Variants in ABCA13 observed in about 807,000 individuals in gnomAD.
ABCA13 encodes ATP-binding cassette sub-family A member 13.
Under a neutral mutation model 478.7 loss-of-function variants are expected in ABCA13, and 476 were observed. The observed-to-expected ratio is 0.99, with a 90% CI of 0.92 to 1.07. ABCA13 has a LOEUF of 1.07. ABCA13 is among the 50% of genes least tolerant of loss of function. The probability of loss-of-function intolerance (pLI) is 0.00; values close to 1 mark genes in which losing one functional copy is unlikely to be tolerated. For synonymous variants in ABCA13, 2,252 were observed against 2,158.9 expected, an observed-to-expected ratio of 1.04 and a Z score of -1.20; for missense variants, 6,060 against 5,910.6, an observed-to-expected ratio of 1.03 and a Z score of -0.83.
chr7:48,217,709 A>G lies in ABCA13; in HGVS notation c.288-1645A>G, dbSNP rs539896405. On this transcript the variant is annotated intron_variant, in intron 3 of 61. Coordinates refer to ENST00000435803, the MANE Select transcript of ABCA13 (RefSeq NM_152701.5). ...CAACCTCAAGTGGGTCCTTCACAGA[A>G]TTGCAAGGATGTCTCTAGGTGCAGC... Among the ~76,000 whole-genome samples, 16 of 152,264 alleles carry G rather than the reference A, an allele frequency of 1.1e-4. No homozygotes were observed. In the South Asian group the frequency reaches 3.3e-3, roughly 32 times the overall value.
At position 48,172,797 on chromosome 7, in the gene ABCA13, C is replaced by CAAAAA. The variant is rs36196847; in HGVS notation, c.69+1279_69+1283dup. ...TGGGCGACAGAGCGAGACTCCGTCT[C>CAAAAA]AAAAAAAAAAAAAAAAAAAAAAAAA... On this transcript the variant is annotated intron_variant, in intron 1 of 61. Coordinates refer to ENST00000435803, the MANE Select transcript of ABCA13 (RefSeq NM_152701.5). Among the ~76,000 whole-genome samples the CAAAAA allele has an allele frequency of 3.3e-4, 25 of 75,542 alleles. 2 individuals are homozygous for CAAAAA. Among genetic ancestry groups the CAAAAA allele is most frequent in the African/African-American group, 1.3e-3 (24 of 18,616 alleles). The allele number at this position is 75,542 out of a possible 152,430, so 49.6% of individuals were successfully genotyped here. A position where few individuals can be genotyped will look rare whatever the true frequency, so the allele number is the denominator to read the frequency against.
At chr7:48,390,201 G>C (rs550983709) in intron 37 of ABCA13, among the ~76,000 whole-genome samples, 2 of 152,314 alleles carry the variant, frequency 1.3e-5, no homozygotes, top group Non-Finnish European at 2.9e-5. Context: ...TTGTTTAGCA[G>C]AATGATGAGA....
At chr7:48,443,691 A>G (rs541832330) in intron 42 of ABCA13, among the ~76,000 whole-genome samples, 1 of 151,986 alleles carries the variant, frequency 6.6e-6, no homozygotes, top group East Asian at 2.0e-4. Context: ...AAATTTAACC[A>G]TGTTTCCCTG....
chr7:48,396,118 A>G (rs1463630093), intron 38 of ABCA13, among the ~76,000 whole-genome samples: 2 of 152,106 alleles, frequency 1.3e-5, no homozygotes, highest in Non-Finnish European at 2.9e-5. Flanking sequence ...GGTTTTCCTT[A>G]TTTATTACCC....
intron 1 of ABCA13, among the ~76,000 whole-genome samples, chr7:48,175,297 A>G (rs1160306523): frequency 6.6e-6 from 1 of 152,218 alleles, no homozygotes; most frequent in Admixed American, 6.5e-5. Context: ...GTGATGTTTC[A>G]ATACAAATAA....
In ABCA13 at chr7:48,219,521, A is replaced by G. The variant is rs935205699; in HGVS notation, c.439+16A>G. 3.8e-6 allele frequency: 6 copies of G among 1,596,982 alleles called. No homozygotes were observed. The highest frequency in any genetic ancestry group is 5.1e-6 in the Non-Finnish European group (6 of 1,173,340). ...AACACTCCAGGCAAGTAAACCTCTC[A>G]TAACTGTGACACTACCTACCTGGAC... On this transcript the variant is annotated intron_variant, in intron 4 of 61. Coordinates refer to ENST00000435803, the MANE Select transcript of ABCA13 (RefSeq NM_152701.5).
intron 7 of ABCA13, among the ~76,000 whole-genome samples, chr7:48,230,637 G>A (rs1226650287): frequency 6.6e-6 from 1 of 150,838 alleles, no homozygotes; most frequent in Non-Finnish European, 1.5e-5. Context: ...CCATCCATCT[G>A]CCTACCCATT....
intron 5 of ABCA13, among the ~76,000 whole-genome samples, chr7:48,224,130 T>G (rs939318633): frequency 1.3e-5 from 2 of 152,140 alleles, no homozygotes; most frequent in African/African-American, 4.8e-5. Context: ...GCTCTCTAAT[T>G]TCTCCCCAGC....
Position 48,381,906 on chromosome 7 carries a change from A to G in ABCA13, c.11335+5334A>G, listed in dbSNP as rs569203494. On this transcript the variant is annotated intron_variant, in intron 35 of 61. Coordinates refer to ENST00000435803, the MANE Select transcript of ABCA13 (RefSeq NM_152701.5). ...AAACAAATTTGAATTTATAAGCAAA[A>G]GCCGATTGCAGAGGCAAGCCAAAGA... Among the ~76,000 whole-genome samples the G allele has an allele frequency of 2.0e-5, 3 of 152,346 alleles. No homozygotes were observed. In the South Asian group the frequency reaches 6.2e-4, roughly 32 times the overall value.
chr7:48,318,437 G>A (rs568303187), intron 27 of ABCA13, among the ~76,000 whole-genome samples: 2 of 152,012 alleles, frequency 1.3e-5, no homozygotes, highest in South Asian at 2.1e-4. Flanking sequence ...CTTGGCTGAA[G>A]CAGTTCTCCT....
Position 48,249,211 on chromosome 7 carries a change from G to A in ABCA13, c.1866-1G>A, listed in dbSNP as rs1383189253. 1 of 1,603,958 alleles carries A rather than the reference G, an allele frequency of 6.2e-7. No homozygotes were observed. The highest frequency in any genetic ancestry group is 1.7e-5 in the Admixed American group (1 of 58,996). On this transcript the variant is annotated splice_acceptor_variant, in intron 14 of 61. Coordinates refer to ENST00000435803, the MANE Select transcript of ABCA13 (RefSeq NM_152701.5). LOFTEE classifies it high-confidence loss of function. ...TTTCTCTGGATTCTTTTTGATTGCA[G>A]GATATTTCATACACTTGAAAAAACA...
intron 42 of ABCA13, among the ~76,000 whole-genome samples, chr7:48,448,127 C>A (rs966563185): frequency 7.9e-5 from 12 of 152,146 alleles, no homozygotes; most frequent in Non-Finnish European, 1.5e-4. Flanking sequence ...CTGCATAGAA[C>A]CTTGCCTCCC....
intron 55 of ABCA13, among the ~76,000 whole-genome samples, chr7:48,559,801 G>C (rs1246023054): frequency 6.6e-6 from 1 of 152,144 alleles, no homozygotes; most frequent in Non-Finnish European, 1.5e-5. Flanking sequence ...GTTCCCTTCT[G>C]GCTGAAGTTA....
intron 3 of ABCA13, among the ~76,000 whole-genome samples, chr7:48,204,749 C>G (rs1784715550): frequency 6.6e-6 from 1 of 152,188 alleles, no homozygotes. Context: ...TATATGCAGT[C>G]AGCTCTGTCG....
intron 21 of ABCA13, among the ~76,000 whole-genome samples, chr7:48,296,520 C>T (rs1035159625): frequency 2.0e-5 from 3 of 149,874 alleles, no homozygotes; most frequent in African/African-American, 7.4e-5. Context: ...AGTGCAGTGG[C>T]GCGATCTCGG....
At chr7:48,294,225 T>C in intron 20 of ABCA13, among the ~76,000 whole-genome samples, 1 of 152,152 alleles carries the variant, frequency 6.6e-6, no homozygotes, top group East Asian at 1.9e-4. Flanking sequence ...CGTGCGTGTG[T>C]GTTAACAGTA....
chr7:48,476,631 T>A (rs557135585), intron 45 of ABCA13, among the ~76,000 whole-genome samples: 4 of 152,158 alleles, frequency 2.6e-5, no homozygotes, highest in African/African-American at 9.7e-5. Flanking sequence ...CCATCGTGGA[T>A]CCTGCCAGGT....
At chr7:48,239,151 T>C (rs1790418449) in intron 8 of ABCA13, 90 bp from the exon 9 acceptor site, 1 of 1,387,336 alleles carries the variant, frequency 7.2e-7, no homozygotes. Flanking sequence ...TAAGAACTTT[T>C]ACTGTGGCAA....
intron 3 of ABCA13, 65 bp from the exon 4 acceptor site, chr7:48,219,289 A>G: frequency 6.6e-7 from 1 of 1,515,786 alleles, no homozygotes; most frequent in Non-Finnish European, 8.8e-7. Flanking sequence ...CAAGAATCTT[A>G]AAAAATGCCA....
Sources: allele counts gnomAD v4.1 joint callset (sites outside exome capture counted in the v4.1 genomes callset), GRCh38; gene constraint gnomAD v4.1.1; transcripts MANE v1.5; gene names NCBI Gene and HGNC (gene_info 2026-07-23, HGNC 2026-07-21).